The following SAMD5 variants were observed in gnomAD, a reference collection of about 807,000 sequenced individuals.
SAMD5 encodes sterile alpha motif domain containing 5, also known as sterile alpha motif domain-containing protein 5.
In SAMD5, 13 loss-of-function variants were observed where a neutral mutation model predicts 11.3. The observed-to-expected ratio is 1.15, with a 90% CI of 0.75 to 1.83. The LOEUF (loss-of-function observed/expected upper bound fraction) is 1.83. SAMD5 is among the 40% of genes most tolerant of loss of function. The pLI, the probability that SAMD5 is intolerant of heterozygous loss-of-function variation, is 0.00. For missense variants in SAMD5, 255 were observed against 239.1 expected (o/e 1.07, Z -0.44); for synonymous variants, 129 against 111.3 (o/e 1.16, Z -1.00).
the SAMD5 span, among the ~76,000 whole-genome samples, chr6:147,900,517 A>T: frequency 5.3e-5 from 8 of 152,196 alleles, no homozygotes; most frequent in Admixed American, 3.3e-4. Flanking sequence ...CCAGCCCGTG[A>T]TGCTGATGCA....
the SAMD5 span, among the ~76,000 whole-genome samples, chr6:147,916,826 A>G: frequency 0.093 from 13,863 of 149,104 alleles, 842 homozygotes; most frequent in South Asian, 0.14. Context: ...TTGTTCTTGC[A>G]ATAGTTTACT....
the SAMD5 span, among the ~76,000 whole-genome samples, chr6:147,753,366 A>G: frequency 5.9e-5 from 9 of 152,320 alleles, no homozygotes; most frequent in Middle Eastern, 3.4e-3. Flanking sequence ...CTTTGCTATC[A>G]TTAGTACAAT....
At chr6:147,815,477 G>A in the SAMD5 span, among the ~76,000 whole-genome samples, 1,098 of 152,280 alleles carry the variant, frequency 7.2e-3, 16 homozygotes, top group African/African-American at 0.025. Flanking sequence ...GCACCAAGAA[G>A]GGAGTGCTCT....
At chr6:147,669,281 A>C (rs945126151) in intron 1 of SAMD5, among the ~76,000 whole-genome samples, 1 of 152,140 alleles carries the variant, frequency 6.6e-6, no homozygotes, top group African/African-American at 2.4e-5. Flanking sequence ...CATTTCAACA[A>C]TGTTCACACC....
the SAMD5 span, among the ~76,000 whole-genome samples, chr6:147,954,348 T>C: frequency 6.6e-6 from 1 of 152,196 alleles, no homozygotes; most frequent in African/African-American, 2.4e-5. Context: ...CACAGTGATA[T>C]TTTGATCAGC....
chr6:147,634,430 A>G (rs753606585), intron 1 of SAMD5, among the ~76,000 whole-genome samples: 3 of 152,098 alleles, frequency 2.0e-5, no homozygotes, highest in Non-Finnish European at 4.4e-5. Flanking sequence ...CCATGATCCA[A>G]TTATCTCCCA....
the SAMD5 span, among the ~76,000 whole-genome samples, chr6:147,905,539 C>CA: frequency 3.3e-5 from 5 of 151,866 alleles, no homozygotes; most frequent in African/African-American, 4.8e-5. Context: ...TAGGCAAAAA[C>CA]AAAAAAACAA....
chr6:147,606,220 C>T (rs945025836), intron 1 of SAMD5, among the ~76,000 whole-genome samples: 17 of 152,198 alleles, frequency 1.1e-4, no homozygotes, highest in Admixed American at 3.3e-4. Context: ...AAGAAATGTG[C>T]GGAAGGTGGG....
the SAMD5 span, among the ~76,000 whole-genome samples, chr6:147,745,941 T>C: frequency 6.6e-6 from 1 of 152,070 alleles, no homozygotes; most frequent in Non-Finnish European, 1.5e-5. Flanking sequence ...GGGGTTTCAC[T>C]ATCTTGGCCA....
At chr6:147,870,095 C>T in the SAMD5 span, among the ~76,000 whole-genome samples, 2 of 152,106 alleles carry the variant, frequency 1.3e-5, no homozygotes, top group African/African-American at 4.8e-5. Context: ...ATTTCACATG[C>T]ATAGCACATC....
At chr6:147,606,247 G>A (rs1326326762) in intron 1 of SAMD5, among the ~76,000 whole-genome samples, 1 of 152,130 alleles carries the variant, frequency 6.6e-6, no homozygotes, top group African/African-American at 2.4e-5. Flanking sequence ...TGGCTTTGGT[G>A]GCCTTCAGTG....
At chr6:147,605,072 A>G (rs1200774730) in intron 1 of SAMD5, among the ~76,000 whole-genome samples, 1 of 152,158 alleles carries the variant, frequency 6.6e-6, no homozygotes, top group Non-Finnish European at 1.5e-5. Flanking sequence ...TGTCACTTTC[A>G]GTACTAGTTC....
chr6:147,788,576 A>G, the SAMD5 span, among the ~76,000 whole-genome samples: 3 of 152,210 alleles, frequency 2.0e-5, no homozygotes, highest in Non-Finnish European at 4.4e-5. Flanking sequence ...ATAAAAGTCT[A>G]TACTTTCAAA....
the SAMD5 span, among the ~76,000 whole-genome samples, chr6:147,816,302 A>AAAAAAAAAAAAAAAAAAAAAAAAAAATC: frequency 2.3e-5 from 1 of 43,230 alleles, no homozygotes; most frequent in African/African-American, 1.3e-4. Flanking sequence ...AAAAAAAAAA[A>AAAAAAAAAAAAAAAAAAAAAAAAAAATC]TATATATATA....
chr6:147,896,709 T>C, the SAMD5 span, among the ~76,000 whole-genome samples: 1 of 102,126 alleles, frequency 9.8e-6, no homozygotes, highest in Non-Finnish European at 2.0e-5. Context: ...TTTAAAAAAA[T>C]TCACTGAATA....
chr6:147,873,160 T>C, the SAMD5 span, among the ~76,000 whole-genome samples: 1 of 152,086 alleles, frequency 6.6e-6, no homozygotes, highest in South Asian at 2.1e-4. Flanking sequence ...GGGTGGATCA[T>C]GAGGTCAAGA....
chr6:147,917,053 G>A, the SAMD5 span, among the ~76,000 whole-genome samples: 18 of 128,248 alleles, frequency 1.4e-4, no homozygotes, highest in East Asian at 4.5e-4. Context: ...ATGATTTATA[G>A]TCCTTTGGGT....
At position 147,568,342 on chromosome 6, in the gene SAMD5, G is replaced by T. The variant is rs1224935279; in HGVS notation, c.*3886G>T. Reference sequence around the variant, plus strand: ...TTGTAACAGGTCTCTTGCACAGGGGGTTGAAAAATAAAAAAAGAAGTTAAC... The same window carrying T: ...TTGTAACAGGTCTCTTGCACAGGGGTTTGAAAAATAAAAAAAGAAGTTAAC... On this transcript the variant is annotated 3_prime_UTR_variant, in exon 2 of 2. Coordinates refer to ENST00000367474, the MANE Select transcript of SAMD5 (RefSeq NM_001030060.3). 1.0e-6 allele frequency: 1 copy of T among 985,146 alleles called. No homozygotes were observed. The allele number at this position is 985,146 out of a possible 1,614,324, so 61.0% of individuals were successfully genotyped here.
chr6:147,613,858 C>T (rs1789825142), intron 1 of SAMD5, among the ~76,000 whole-genome samples: 2 of 151,830 alleles, frequency 1.3e-5, no homozygotes, highest in Admixed American at 1.3e-4. Flanking sequence ...CTCTGTCCTC[C>T]GTGGCTCCGC....
Sources: gnomAD v4.1 joint callset for allele counts (sites outside exome capture counted in the v4.1 genomes callset) on GRCh38, gnomAD v4.1.1 for gene constraint, MANE v1.5 for transcripts, NCBI Gene and HGNC (gene_info 2026-07-23, HGNC 2026-07-21) for gene names.